EEIG2: variants seen among roughly 807,000 people sequenced by gnomAD.
The protein encoded by EEIG2 is EEIG family member 2, also known as family with sequence similarity 102 member B.
At chr1:108,571,922 G>A in the EEIG2 span, among the ~76,000 whole-genome samples, 1 of 152,002 alleles carries the variant, frequency 6.6e-6, no homozygotes, top group Non-Finnish European at 1.5e-5. Context: ...CTTTGATCCT[G>A]TCCTTGTTTA....
At chr1:108,633,796 C>T in the EEIG2 span, among the ~76,000 whole-genome samples, 1 of 152,144 alleles carries the variant, frequency 6.6e-6, no homozygotes, top group Non-Finnish European at 1.5e-5. Flanking sequence ...CTGGAATTCT[C>T]CAGCCATTAT....
the EEIG2 span, among the ~76,000 whole-genome samples, chr1:108,604,348 G>C: frequency 6.6e-6 from 1 of 152,196 alleles, no homozygotes; most frequent in Non-Finnish European, 1.5e-5. Flanking sequence ...AGACCACTTA[G>C]GTGGTTTGTG....
chr1:108,560,445 A>T, the EEIG2 span: 17 of 1,611,544 alleles, frequency 1.1e-5, no homozygotes, highest in East Asian at 4.5e-5. Flanking sequence ...AAGAAGAAGA[A>T]GTTTAAGTTT....
At chr1:108,621,851 T>A in the EEIG2 span, among the ~76,000 whole-genome samples, 2 of 151,888 alleles carry the variant, frequency 1.3e-5, no homozygotes, top group Non-Finnish European at 2.9e-5. Context: ...TCCACAAAGC[T>A]ATTTTACATT....
At chr1:108,629,783 C>T in the EEIG2 span, 1 of 721,758 alleles carries the variant, frequency 1.4e-6, no homozygotes, top group Admixed American at 2.1e-5. Flanking sequence ...GTAGTAGTTA[C>T]ATGCGAAGAG....
the EEIG2 span, among the ~76,000 whole-genome samples, chr1:108,571,466 A>G: frequency 1.3e-5 from 2 of 152,150 alleles, no homozygotes; most frequent in Non-Finnish European, 2.9e-5. Context: ...ATGAGTTGGG[A>G]GAGAGAGGAG....
At chr1:108,560,621 T>C in the EEIG2 span, 1 of 1,580,620 alleles carries the variant, frequency 6.3e-7, no homozygotes, top group Non-Finnish European at 8.6e-7. Context: ...GCTTGTTGGA[T>C]GGGCAGCATC....
At chr1:108,592,116 G>A in the EEIG2 span, among the ~76,000 whole-genome samples, 9 of 152,208 alleles carry the variant, frequency 5.9e-5, no homozygotes, top group East Asian at 1.7e-3. Context: ...AGATCTGAGC[G>A]GGGACCATTA....
chr1:108,628,516 G>A, the EEIG2 span: 19 of 1,614,074 alleles, frequency 1.2e-5, no homozygotes, highest in Non-Finnish European at 1.6e-5. Context: ...ATGAAATTGA[G>A]CAGAAAATCG....
the EEIG2 span, among the ~76,000 whole-genome samples, chr1:108,564,341 G>A: frequency 1.3e-5 from 2 of 152,198 alleles, no homozygotes; most frequent in Admixed American, 6.5e-5. Context: ...CCTGAACTCC[G>A]AGGTGTCTCA....
At chr1:108,579,766 T>TGAGAGAGAGAGAGAGA in the EEIG2 span, among the ~76,000 whole-genome samples, 386 of 14,666 alleles carry the variant, frequency 0.026, 1 homozygote, top group Non-Finnish European at 0.059. Flanking sequence ...TGTGTGTGTG[T>TGAGAGAGAGAGAGAGA]GTGTGTGAGA....
At chr1:108,578,533 C>T in the EEIG2 span, among the ~76,000 whole-genome samples, 3 of 142,808 alleles carry the variant, frequency 2.1e-5, no homozygotes, top group African/African-American at 7.9e-5. Context: ...TTGTCAAAGG[C>T]TTTTTCTGCA....
chr1:108,613,658 T>G, the EEIG2 span, among the ~76,000 whole-genome samples: 1 of 152,082 alleles, frequency 6.6e-6, no homozygotes, highest in Non-Finnish European at 1.5e-5. Flanking sequence ...ACTCTCTCCT[T>G]TCCCAATCTC....
the EEIG2 span, chr1:108,629,862 A>G: frequency 1.6e-6 from 1 of 608,320 alleles, no homozygotes; most frequent in South Asian, 1.8e-5. Flanking sequence ...TTTATAAATT[A>G]GTTTTTAATT....
chr1:108,638,937 G>T, the EEIG2 span: 1 of 152,188 alleles, frequency 6.6e-6, no homozygotes, highest in East Asian at 1.9e-4. Flanking sequence ...TTTACACAAT[G>T]TATTCTGCAT....
the EEIG2 span, among the ~76,000 whole-genome samples, chr1:108,577,893 A>T: frequency 1.3e-5 from 2 of 151,550 alleles, no homozygotes; most frequent in Non-Finnish European, 2.9e-5. Flanking sequence ...CTTGGGCAGT[A>T]TGGCCTTTTT....
At chr1:108,628,337 TGTCA>T in the EEIG2 span, 1 of 1,611,486 alleles carries the variant, frequency 6.2e-7, no homozygotes, top group South Asian at 1.1e-5. Context: ...GGGGGAACGA[TGTCA>T]GATTGCAGAG....
the EEIG2 span, among the ~76,000 whole-genome samples, chr1:108,566,888 A>G: frequency 6.6e-6 from 1 of 152,138 alleles, no homozygotes; most frequent in Non-Finnish European, 1.5e-5. Flanking sequence ...ATAGGGCACA[A>G]AGTTTCAATT....
chr1:108,607,873 T>G, the EEIG2 span, among the ~76,000 whole-genome samples: 1 of 152,340 alleles, frequency 6.6e-6, no homozygotes, highest in East Asian at 1.9e-4. Flanking sequence ...TGCACTGGCC[T>G]TCTAGAGTCT....
Sources: allele counts gnomAD v4.1 joint callset (sites outside exome capture counted in the v4.1 genomes callset), GRCh38; gene constraint gnomAD v4.1.1; transcripts MANE v1.5; gene names NCBI Gene and HGNC (gene_info 2026-07-23, HGNC 2026-07-21).